The following WDR35 variants were observed in gnomAD, a reference collection of about 807,000 sequenced individuals.
WDR35 encodes the protein WD repeat-containing protein 35.
A neutral mutation model predicts 158.3 loss-of-function variants in WDR35; 118 were observed. The ratio of observed to expected loss-of-function variants is 0.75; its 90% CI spans 0.64 to 0.87. The LOEUF is 0.87. WDR35 is among the 40% of genes least tolerant of loss of function. The pLI, the probability that WDR35 is intolerant of heterozygous loss-of-function variation, is 0.00. For missense variants in WDR35, 1,263 were observed against 1,405.8 expected, an observed-to-expected ratio of 0.90 and a Z score of 1.62; for synonymous variants, 448 against 476.1, an observed-to-expected ratio of 0.94 and a Z score of 0.77.
At position 19,913,600 on chromosome 2, in the gene WDR35, G is replaced by T; in HGVS notation, c.3471C>A (p.Ser1157Arg). The change falls in exon 27 of 27, where the codon AGC (serine) becomes AGA (arginine). Residue 1157 changes from serine (S) to arginine (R), a missense_variant. Transcript: ENST00000281405. ...GGCATAAGGGGCAGAAGCTGTAGTGGCTTATTTCCTGAGCAAGGACACCGT... is the reference window on the plus strand; with the variant it reads ...GGCATAAGGGGCAGAAGCTGTAGTGTCTTATTTCCTGAGCAAGGACACCGT... ...CKHGVLAQEI[S>R]HYSFCPLCHS... The T allele has an allele frequency of 6.2e-7, 1 of 1,614,042 alleles. No homozygotes were observed. The highest frequency in any genetic ancestry group is 1.1e-5 in the South Asian group (1 of 91,086).
intron 14 of WDR35, among the ~76,000 whole-genome samples, chr2:19,947,801 C>T (rs1671105453): frequency 6.6e-6 from 1 of 152,152 alleles, no homozygotes; most frequent in African/African-American, 2.4e-5. Flanking sequence ...TGTAAGTGTA[C>T]TCTGTCTTCT....
At chr2:19,945,505 A>T (rs1045232246) in intron 16 of WDR35, among the ~76,000 whole-genome samples, 11 of 152,166 alleles carry the variant, frequency 7.2e-5, no homozygotes, top group African/African-American at 2.4e-4. Flanking sequence ...GGAAAAAAAG[A>T]CTAGTGACCA....
At chr2:19,973,032 T>C (rs1257330960) in intron 8 of WDR35, among the ~76,000 whole-genome samples, 2 of 152,124 alleles carry the variant, frequency 1.3e-5, no homozygotes, top group Non-Finnish European at 2.9e-5. Flanking sequence ...CATATGTACA[T>C]TTATGAAAAC....
At chr2:19,945,755 T>C (rs903530053) in intron 16 of WDR35, 31 bp downstream of exon 16, 4 of 1,612,336 alleles carry the variant, frequency 2.5e-6, no homozygotes, top group East Asian at 2.2e-5. Flanking sequence ...TCATTATTTA[T>C]AGACTGTTAA....
At chr2:19,979,550 AGCAAAAAAATAGGCTATTTTGTTTTT>A (rs1215886299) in intron 4 of WDR35, among the ~76,000 whole-genome samples, 2 of 152,224 alleles carry the variant, frequency 1.3e-5, no homozygotes, top group African/African-American at 4.8e-5. Flanking sequence ...CCAAACTAGA[AGCAAAAAAATAGGCTATTTTGTTTTT>A]GCTTTTCTCA....
chr2:19,987,021 A>G (rs1672586094), intron 2 of WDR35, among the ~76,000 whole-genome samples: 1 of 152,234 alleles, frequency 6.6e-6, no homozygotes, highest in South Asian at 2.1e-4. Context: ...CAATACTAAA[A>G]TTGGTTAAGC....
intron 13 of WDR35, among the ~76,000 whole-genome samples, chr2:19,950,237 G>GAGA (rs1392040949): frequency 1.4e-4 from 22 of 152,026 alleles, no homozygotes; most frequent in Non-Finnish European, 2.8e-4. Context: ...AACCAGGAGT[G>GAGA]TAGTTTCATG....
At position 19,978,181 on chromosome 2, in the gene WDR35, C is replaced by CACACACACACACAG. The variant is rs1380953920; in HGVS notation, c.436+556_436+569dup. Among the ~76,000 whole-genome samples the CACACACACACACAG allele has an allele frequency of 9.8e-5, 14 of 143,198 alleles. No individual in the cohort carries two copies. The East Asian group carries it at 3.1e-3, about 32-fold the overall frequency. The allele number at this position is 143,198 out of a possible 152,430, so 93.9% of individuals were successfully genotyped here. On this transcript the variant is annotated intron_variant, in intron 5 of 26. Transcript: ENST00000281405. ...AACATTTGTTGACTACATGAAGTTA[C>CACACACACACACAG]ACACACACACACAGACACACACACA...
chr2:19,932,564 G>A, intron 22 of WDR35, 117 bp from the exon 23 acceptor site: 3 of 1,272,626 alleles, frequency 2.4e-6, no homozygotes, highest in South Asian at 2.6e-5. Context: ...ATTAAAAACT[G>A]GTATGTTTTA....
intron 19 of WDR35, 38 bp from the exon 20 acceptor site, chr2:19,936,403 T>C: frequency 6.2e-7 from 1 of 1,613,416 alleles, no homozygotes; most frequent in Non-Finnish European, 8.5e-7. Context: ...TTCATCTATT[T>C]GACAAATATT....
In WDR35 at chr2:19,937,962, A is replaced by C; in HGVS notation, c.2064-16T>G. ...CAGTAGGCGCCTTTATTTTAAAAGA[A>C]ACAAAAACATAAGTGCATATTGCAA... On this transcript the variant is annotated splice_polypyrimidine_tract_variant and intron_variant, in intron 18 of 26. Transcript: ENST00000281405. 1 of 1,613,768 alleles carries C rather than the reference A, an allele frequency of 6.2e-7. No individual in the cohort carries two copies. The highest frequency in any genetic ancestry group is 8.5e-7 in the Non-Finnish European group (1 of 1,179,902).
At chr2:19,947,813 G>C (rs560047960) in intron 14 of WDR35, among the ~76,000 whole-genome samples, 1 of 152,016 alleles carries the variant, frequency 6.6e-6, no homozygotes, top group South Asian at 2.1e-4. Flanking sequence ...CTGTCTTCTC[G>C]GCTGGTCATC....
chr2:19,966,961 A>G (rs1298315577), intron 9 of WDR35, 52 bp from the exon 10 acceptor site: 1 of 1,571,838 alleles, frequency 6.4e-7, no homozygotes, highest in Non-Finnish European at 8.7e-7. Flanking sequence ...GAGAAGAATT[A>G]TTTAGTATTG....
At chr2:19,939,060 C>T (rs917912305) in intron 17 of WDR35, among the ~76,000 whole-genome samples, 2 of 152,168 alleles carry the variant, frequency 1.3e-5, no homozygotes, top group Non-Finnish European at 2.9e-5. Context: ...ACAGCAACAA[C>T]ACCACAGGCA....
chr2:19,946,089 TCA>T, intron 15 of WDR35, 93 bp from the exon 16 acceptor site: 1 of 1,317,224 alleles, frequency 7.6e-7, no homozygotes, highest in Non-Finnish European at 1.1e-6. Flanking sequence ...TTCTTCAAAA[TCA>T]GATTATCAGA....
chr2:19,954,063 T>G (rs1395520748), intron 11 of WDR35, 85 bp from the exon 12 acceptor site: 1 of 1,496,556 alleles, frequency 6.7e-7, no homozygotes, highest in Admixed American at 1.7e-5. Flanking sequence ...AATCACGGAG[T>G]TCAACCCCTC....
intron 8 of WDR35, among the ~76,000 whole-genome samples, chr2:19,973,045 T>C: frequency 6.6e-6 from 1 of 152,074 alleles, no homozygotes; most frequent in East Asian, 1.9e-4. Context: ...ATGAAAACAA[T>C]GCTTTTATTT....
intron 3 of WDR35, among the ~76,000 whole-genome samples, chr2:19,981,444 G>C (rs1006700773): frequency 6.6e-6 from 1 of 152,110 alleles, no homozygotes. Flanking sequence ...GTCCTTTATA[G>C]ACACTTGTTC....
rs184183554 is a variant in WDR35, at chr2:19,972,178, A to G, written c.882+1385T>C. Among the ~76,000 whole-genome samples, 42 of 152,314 alleles carry G rather than the reference A, an allele frequency of 2.8e-4. No homozygotes were observed. In the East Asian group the frequency reaches 5.0e-3, roughly 18 times the overall value. Reference sequence around the variant, plus strand: ...TTAAATTGTTAGATAACTTCCATCCAGGTTATCTTTCCTACCTTAACAATA... The same window carrying G: ...TTAAATTGTTAGATAACTTCCATCCGGGTTATCTTTCCTACCTTAACAATA... On this transcript the variant is annotated intron_variant, in intron 8 of 26. Coordinates refer to ENST00000281405, the MANE Select transcript of WDR35 (RefSeq NM_020779.4).
Sources: allele counts gnomAD v4.1 joint callset (sites outside exome capture counted in the v4.1 genomes callset), GRCh38; gene constraint gnomAD v4.1.1; transcripts MANE v1.5; gene names NCBI Gene and HGNC (gene_info 2026-07-23, HGNC 2026-07-21).